The following CSMD1 variants were observed in gnomAD, a reference collection of about 807,000 sequenced individuals.
CSMD1 encodes CUB and Sushi multiple domains 1, also known as CUB and sushi domain-containing protein 1.
CSMD1 carries 213 observed loss-of-function variants against 417.5 expected under a neutral mutation model. The ratio of observed to expected loss-of-function variants is 0.51; its 90% CI spans 0.46 to 0.57. CSMD1 has a LOEUF of 0.57. Among genes scored for constraint, CSMD1 ranks in the 20% least tolerant of loss-of-function variants. CSMD1 has a pLI of 0.00. For synonymous variants in CSMD1, 2,862 were observed against 1,736.8 expected (o/e 1.65, Z -16.11); for missense variants, 6,923 against 4,529.7 (o/e 1.53, Z -15.17).
chr8:3,123,648 G>T (rs1334443099), intron 41 of CSMD1, among the ~76,000 whole-genome samples: 1 of 152,128 alleles, frequency 6.6e-6, no homozygotes, highest in Non-Finnish European at 1.5e-5. Flanking sequence ...GTTTCTAGAG[G>T]AGGAGAAGCA....
chr8:4,774,017 G>A (rs1796726177), intron 1 of CSMD1, among the ~76,000 whole-genome samples: 1 of 152,076 alleles, frequency 6.6e-6, no homozygotes, highest in Non-Finnish European at 1.5e-5. Context: ...CCAACATGGT[G>A]AAACCCCAAC....
intron 3 of CSMD1, among the ~76,000 whole-genome samples, chr8:4,335,803 A>G (rs973048977): frequency 6.6e-6 from 1 of 152,024 alleles, no homozygotes; most frequent in Non-Finnish European, 1.5e-5. Flanking sequence ...CTGTGATCCC[A>G]TGGAAGATAC....
chr8:3,639,544 G>A (rs747218130), intron 7 of CSMD1, among the ~76,000 whole-genome samples: 2 of 152,082 alleles, frequency 1.3e-5, no homozygotes, highest in African/African-American at 2.4e-5. Flanking sequence ...TGGATCAGAA[G>A]ACCTGACTTC....
At chr8:4,361,827 C>T (rs146389337) in intron 3 of CSMD1, among the ~76,000 whole-genome samples, 110 of 152,104 alleles carry the variant, frequency 7.2e-4, no homozygotes, top group Middle Eastern at 3.4e-3. Flanking sequence ...TGGTGCGGGG[C>T]GCCTGTACTC....
intron 1 of CSMD1, among the ~76,000 whole-genome samples, chr8:4,867,062 G>A (rs576858601): frequency 1.4e-4 from 21 of 151,980 alleles, no homozygotes; most frequent in African/African-American, 4.8e-4. Flanking sequence ...AAGCCATACA[G>A]AAAGTAATAT....
chr8:3,308,115 CAG>C (rs1340814591), intron 24 of CSMD1, among the ~76,000 whole-genome samples, 195 bp downstream of exon 24: 10 of 151,988 alleles, frequency 6.6e-5, no homozygotes, highest in Non-Finnish European at 1.2e-4. Flanking sequence ...GTCTCCATAA[CAG>C]AATACTAGAA....
chr8:4,470,028 C>G lies in CSMD1; in HGVS notation c.303-49963G>C, dbSNP rs568665759. Among the ~76,000 whole-genome samples the G allele has an allele frequency of 6.6e-5, 10 of 152,004 alleles. No individual in the cohort carries two copies. In the South Asian group the frequency reaches 2.1e-3, roughly 32 times the overall value. On this transcript the variant is annotated intron_variant, in intron 2 of 69. Coordinates refer to ENST00000635120, the MANE Select transcript of CSMD1 (RefSeq NM_033225.6). ...GATTACAGGCGCCCGCTAACATGCC[C>G]GGCTAATTTCTTTTTGTATTTTTAG...
chr8:4,735,585 G>A (rs1170116983), intron 1 of CSMD1, among the ~76,000 whole-genome samples: 1 of 152,134 alleles, frequency 6.6e-6, no homozygotes, highest in Non-Finnish European at 1.5e-5. Flanking sequence ...AAGAAAAGAA[G>A]TGAAAGACAA....
intron 3 of CSMD1, among the ~76,000 whole-genome samples, chr8:4,063,376 T>A (rs1299041996): frequency 6.6e-6 from 1 of 152,076 alleles, no homozygotes; most frequent in Non-Finnish European, 1.5e-5. Flanking sequence ...AATTTAAATA[T>A]CAGACAAGTA....
intron 5 of CSMD1, among the ~76,000 whole-genome samples, chr8:3,880,591 T>C (rs976360584): frequency 9.2e-5 from 14 of 152,230 alleles, no homozygotes; most frequent in Non-Finnish European, 1.5e-4. Flanking sequence ...ACTACACAAA[T>C]AGTACTATAT....
At chr8:3,147,063 G>A (rs561863167) in intron 40 of CSMD1, among the ~76,000 whole-genome samples, 2 of 148,350 alleles carry the variant, frequency 1.3e-5, no homozygotes, top group South Asian at 2.2e-4. Flanking sequence ...AGAGTAACTG[G>A]AGGAGCAACG....
chr8:3,731,474 G>C (rs73501497), intron 6 of CSMD1, among the ~76,000 whole-genome samples: 6,595 of 152,150 alleles, frequency 0.043, 508 homozygotes, highest in African/African-American at 0.15. Context: ...AATTCAATCC[G>C]AAACTTGCCC....
chr8:4,353,749 C>G (rs573273505), intron 3 of CSMD1, among the ~76,000 whole-genome samples: 2 of 151,892 alleles, frequency 1.3e-5, no homozygotes, highest in Admixed American at 6.6e-5. Flanking sequence ...ATGGAGATTT[C>G]TTTTTTTGCC....
rs1337386173 is a variant in CSMD1 at position 4,327,980 on chromosome 8, A to T, written c.415+91973T>A. Reference sequence around the variant, plus strand: ...GAAGTTGAATGAAATTCTTGTTTTAACATTTACCAGTAAACTTTATTCATT... The same window carrying T: ...GAAGTTGAATGAAATTCTTGTTTTATCATTTACCAGTAAACTTTATTCATT... On this transcript the variant is annotated intron_variant, in intron 3 of 69. Transcript: ENST00000635120. Among the ~76,000 whole-genome samples, 3 of 152,186 alleles carry T rather than the reference A, an allele frequency of 2.0e-5. No homozygotes were observed. The South Asian group carries it at 6.2e-4, about 31-fold the overall frequency.
At chr8:4,644,042 A>G (rs1803366727) in intron 1 of CSMD1, among the ~76,000 whole-genome samples, 1 of 152,198 alleles carries the variant, frequency 6.6e-6, no homozygotes, top group Non-Finnish European at 1.5e-5. Flanking sequence ...GAAGAAAAGT[A>G]AAAATGCCAG....
intron 5 of CSMD1, among the ~76,000 whole-genome samples, chr8:3,809,710 C>T (rs575480880): frequency 2.0e-5 from 3 of 152,036 alleles, no homozygotes; most frequent in East Asian, 1.9e-4. Context: ...GACACTGCCA[C>T]GAATCTATAG....
chr8:4,836,846 G>A (rs1437732294), intron 1 of CSMD1, among the ~76,000 whole-genome samples: 1 of 152,062 alleles, frequency 6.6e-6, no homozygotes, highest in Admixed American at 6.5e-5. Flanking sequence ...AGTAGACGCT[G>A]TCTCCAAAGA....
intron 11 of CSMD1, among the ~76,000 whole-genome samples, chr8:3,474,132 T>C (rs1221544687): frequency 2.0e-5 from 3 of 152,174 alleles, no homozygotes; most frequent in Non-Finnish European, 1.5e-5. Flanking sequence ...CAGGTTGGCA[T>C]GCTCCCCATG....
chr8:2,966,814 G>T (rs141877932), intron 57 of CSMD1, 68 bp from the exon 58 acceptor site: 5 of 1,435,028 alleles, frequency 3.5e-6, no homozygotes, highest in Non-Finnish European at 4.8e-6. Flanking sequence ...AAACACAAGA[G>T]ACCAATGGGT....
Sources: allele counts gnomAD v4.1 joint callset (sites outside exome capture counted in the v4.1 genomes callset), GRCh38; gene constraint gnomAD v4.1.1; transcripts MANE v1.5; gene names NCBI Gene and HGNC (gene_info 2026-07-23, HGNC 2026-07-21).